The following TRPM3 variants were observed in gnomAD, a reference collection of about 807,000 sequenced individuals.
The protein encoded by TRPM3 is long transient receptor potential channel 3.
Under a neutral mutation model 181.2 loss-of-function variants are expected in TRPM3, and 77 were observed. The observed-to-expected ratio is 0.42, with a 90% CI of 0.35 to 0.51. The LOEUF (loss-of-function observed/expected upper bound fraction) is 0.51. TRPM3 is among the 20% of genes least tolerant of loss of function. TRPM3 has a pLI of 0.01. For missense variants in TRPM3, 1,759 were observed against 2,196.7 expected (o/e 0.80, Z 3.98); for synonymous variants, 745 against 796.4 (o/e 0.94, Z 1.09).
At chr9:70,606,167 G>T (rs1174368569) in intron 19 of TRPM3, among the ~76,000 whole-genome samples, 2 of 152,118 alleles carry the variant, frequency 1.3e-5, no homozygotes, top group East Asian at 3.9e-4. Context: ...TTTCCTTATA[G>T]GGCCTTTATA....
intron 22 of TRPM3, among the ~76,000 whole-genome samples, chr9:70,567,020 A>G (rs907644170): frequency 1.3e-5 from 2 of 152,228 alleles, no homozygotes; most frequent in South Asian, 2.1e-4. Context: ...TACTGACGAC[A>G]TCAGGGCAGA....
chr9:70,693,609 C>A (rs1262203323), intron 8 of TRPM3, among the ~76,000 whole-genome samples: 1 of 152,126 alleles, frequency 6.6e-6, no homozygotes, highest in Admixed American at 6.5e-5. Flanking sequence ...TATCACCAGG[C>A]GAGAGAGTGT....
At chr9:70,782,469 C>T (rs913350950) in intron 7 of TRPM3, among the ~76,000 whole-genome samples, 7 of 152,116 alleles carry the variant, frequency 4.6e-5, no homozygotes, top group Admixed American at 6.6e-5. Context: ...GCCTTGGCCT[C>T]CCAAAGTGCT....
At chr9:70,963,569 A>T (rs531452843) in intron 1 of TRPM3, among the ~76,000 whole-genome samples, 2 of 152,216 alleles carry the variant, frequency 1.3e-5, no homozygotes, top group African/African-American at 4.8e-5. Context: ...TTGTTTGGTG[A>T]TAACACTTCG....
chr9:70,596,147 T>C (rs958948523), intron 21 of TRPM3, among the ~76,000 whole-genome samples: 1 of 152,204 alleles, frequency 6.6e-6, no homozygotes, highest in African/African-American at 2.4e-5. Context: ...GTATTATTTC[T>C]AATAATTACA....
intron 6 of TRPM3, chr9:70,826,221 C>T (rs1274765481): frequency 1.3e-5 from 2 of 152,200 alleles, no homozygotes; most frequent in Admixed American, 1.3e-4. Flanking sequence ...GATTACATAA[C>T]ATTTGCCCAT....
At chr9:70,773,731 C>G (rs1247948783) in intron 7 of TRPM3, among the ~76,000 whole-genome samples, 1 of 152,170 alleles carries the variant, frequency 6.6e-6, no homozygotes, top group Non-Finnish European at 1.5e-5. Flanking sequence ...TTCTTCATCT[C>G]CTGTGTATTA....
chr9:70,794,422 G>T (rs1333881405), intron 6 of TRPM3, among the ~76,000 whole-genome samples: 1 of 152,146 alleles, frequency 6.6e-6, no homozygotes, highest in African/African-American at 2.4e-5. Context: ...ACATTCCAGT[G>T]AGGCTTGGCC....
rs35388140 is a variant in TRPM3 at position 71,096,560 on chromosome 9, GCA to G, written c.177+24616_177+24617del. Among the ~76,000 whole-genome samples the G allele has an allele frequency of 7.6e-3, 594 of 78,344 alleles. 4 individuals are homozygous for G. Among genetic ancestry groups the G allele is most frequent in the Non-Finnish European group, 9.4e-3 (420 of 44,658 alleles). The allele number at this position is 78,344 out of a possible 152,430, so 51.4% of individuals were successfully genotyped here. A position where few individuals can be genotyped will look rare whatever the true frequency, so the allele number is the denominator to read the frequency against. ...TGGAACCCCCATCCTGTGAGCGCAT[GCA>G]CACACACACACACACACACACACAC... On this transcript the variant is annotated intron_variant, in intron 1 of 25. Coordinates refer to ENST00000677713, the MANE Select transcript of TRPM3 (RefSeq NM_001366145.2).
At chr9:71,182,913 C>T (rs956274092) in intron 1 of TRPM3, among the ~76,000 whole-genome samples, 10 of 152,170 alleles carry the variant, frequency 6.6e-5, no homozygotes, top group East Asian at 3.9e-4. Context: ...CCACCTGCCT[C>T]GGCCTCCCAA....
chr9:71,108,083 T>C (rs2070142051), intron 1 of TRPM3, among the ~76,000 whole-genome samples: 1 of 152,192 alleles, frequency 6.6e-6, no homozygotes, highest in Non-Finnish European at 1.5e-5. Flanking sequence ...CATTTCTTCA[T>C]GATTTCAATA....
At chr9:71,430,167 G>T (rs2093933643) in intron 1 of TRPM3, among the ~76,000 whole-genome samples, 1 of 152,102 alleles carries the variant, frequency 6.6e-6, no homozygotes, top group African/African-American at 2.4e-5. Flanking sequence ...CAGGAGGGCT[G>T]GAACTTGATA....
chr9:70,622,073 A>C (rs1476346031), intron 14 of TRPM3, among the ~76,000 whole-genome samples: 2 of 152,172 alleles, frequency 1.3e-5, no homozygotes, highest in African/African-American at 4.8e-5. Context: ...TTAGATCAAG[A>C]GAGAAGAAAC....
chr9:71,118,197 T>C (rs897093456), intron 1 of TRPM3, among the ~76,000 whole-genome samples: 1 of 152,192 alleles, frequency 6.6e-6, no homozygotes, highest in African/African-American at 2.4e-5. Flanking sequence ...CATCATTGTG[T>C]GCCTGTCCAG....
chr9:70,914,574 A>G (rs1031559625), intron 1 of TRPM3, among the ~76,000 whole-genome samples: 1 of 152,182 alleles, frequency 6.6e-6, no homozygotes, highest in Non-Finnish European at 1.5e-5. Flanking sequence ...GAATAATGAC[A>G]ATGCAGAGTC....
intron 1 of TRPM3, among the ~76,000 whole-genome samples, chr9:71,129,356 G>C (rs2134447160): frequency 6.6e-6 from 1 of 152,296 alleles, no homozygotes; most frequent in South Asian, 2.1e-4. Flanking sequence ...TCCACATTAA[G>C]TCACTGGGCA....
intron 22 of TRPM3, among the ~76,000 whole-genome samples, chr9:70,565,704 T>C (rs1352003545): frequency 1.3e-5 from 2 of 152,224 alleles, no homozygotes; most frequent in Non-Finnish European, 1.5e-5. Flanking sequence ...CTGTTCATCA[T>C]TTTTTAAATT....
chr9:71,046,233 A>C (rs2430868), intron 1 of TRPM3, among the ~76,000 whole-genome samples: 36,389 of 151,716 alleles, frequency 0.24, 4,992 homozygotes, highest in East Asian at 0.41. Flanking sequence ...GATCCACCAG[A>C]CTCGGCCTCC....
chr9:70,920,775 C>T (rs1452497047), intron 1 of TRPM3, among the ~76,000 whole-genome samples: 1 of 152,030 alleles, frequency 6.6e-6, no homozygotes, highest in Non-Finnish European at 1.5e-5. Context: ...ATATGAAAAG[C>T]TTACTATATT....
Sources: allele counts gnomAD v4.1 joint callset (sites outside exome capture counted in the v4.1 genomes callset), GRCh38; gene constraint gnomAD v4.1.1; transcripts MANE v1.5; gene names NCBI Gene and HGNC (gene_info 2026-07-23, HGNC 2026-07-21).